The following ZNF589 variants were observed in gnomAD, a reference collection of about 807,000 sequenced individuals.
The protein encoded by ZNF589 is zinc finger protein 589.
Under a neutral mutation model 13.6 loss-of-function variants are expected in ZNF589, and 17 were observed. That is an observed-to-expected ratio of 1.25 (90% confidence interval 0.86 to 1.88). The LOEUF (loss-of-function observed/expected upper bound fraction) is 1.88, where lower values mean the gene tolerates loss of function less well. ZNF589 is among the 40% of genes most tolerant of loss of function. ZNF589 has a pLI of 0.00. For synonymous variants in ZNF589, 148 were observed against 161.6 expected (o/e 0.92, Z 0.64); for missense variants, 407 against 434.0 (o/e 0.94, Z 0.55).
At chr3:48,256,408 C>A in intron 2 of ZNF589, 1 of 563,416 alleles carries the variant, frequency 1.8e-6, no homozygotes. Context: ...GAGGGTTGAC[C>A]CCAAGGCCAT....
chr3:48,267,128 G>C (rs760487497), intron 3 of ZNF589, among the ~76,000 whole-genome samples: 5 of 152,210 alleles, frequency 3.3e-5, no homozygotes, highest in African/African-American at 4.8e-5. Context: ...CCAGAAGTGA[G>C]GATTCATCAG....
chr3:48,254,024 AG>A (rs2033869278), intron 2 of ZNF589, among the ~76,000 whole-genome samples: 1 of 152,150 alleles, frequency 6.6e-6, no homozygotes, highest in African/African-American at 2.4e-5. Flanking sequence ...CAGGAGTTTA[AG>A]GCTACATTGA....
At chr3:48,256,688 T>C (rs1394323573) in intron 2 of ZNF589, 1 of 1,446,146 alleles carries the variant, frequency 6.9e-7, no homozygotes, top group African/African-American at 1.4e-5. Context: ...CAAAACATCA[T>C]CATAGTTTTA....
intron 2 of ZNF589, among the ~76,000 whole-genome samples, chr3:48,251,145 G>A (rs1194771527): frequency 3.9e-5 from 6 of 152,182 alleles, no homozygotes; most frequent in African/African-American, 1.4e-4. Flanking sequence ...GAATTTATCG[G>A]TTGATTTAGG....
chr3:48,246,980 A>G (rs1483353472), intron 1 of ZNF589, among the ~76,000 whole-genome samples: 2 of 149,308 alleles, frequency 1.3e-5, no homozygotes, highest in African/African-American at 5.0e-5. Flanking sequence ...ACATTTTCAT[A>G]AACTATTTTC....
At chr3:48,253,498 CTTTTTTT>C (rs59231973) in intron 2 of ZNF589, among the ~76,000 whole-genome samples, 39 of 95,324 alleles carry the variant, frequency 4.1e-4, no homozygotes, top group African/African-American at 1.6e-3. Flanking sequence ...TCATATTTTT[CTTTTTTT>C]TTTTTTTTTT....
At position 48,266,210 on chromosome 3, in the gene ZNF589, A is replaced by G. The variant is rs531470602; in HGVS notation, c.224-1705A>G. Among the ~76,000 whole-genome samples, 6 of 152,342 alleles carry G rather than the reference A, an allele frequency of 3.9e-5. No homozygotes were observed. The South Asian group carries it at 1.0e-3, about 26-fold the overall frequency. ...GCCAGTGAGAATTAAGCCCCCTGACATAGATGCAATACCTCTTGGGAAAGC... is the reference window on the plus strand; with the variant it reads ...GCCAGTGAGAATTAAGCCCCCTGACGTAGATGCAATACCTCTTGGGAAAGC... On this transcript the variant is annotated intron_variant, in intron 3 of 3. Transcript: ENST00000354698.
intron 2 of ZNF589, 58 bp downstream of exon 2, chr3:48,247,735 G>A: frequency 6.3e-7 from 1 of 1,585,396 alleles, no homozygotes; most frequent in Non-Finnish European, 8.6e-7. Context: ...CAGAGAATGG[G>A]CTCATCTGTC....
chr3:48,263,603 C>CA (rs1311132319), intron 3 of ZNF589, among the ~76,000 whole-genome samples: 2 of 151,928 alleles, frequency 1.3e-5, no homozygotes, highest in South Asian at 2.1e-4. Flanking sequence ...AAAACAAAAA[C>CA]AAAAAAACAG....
chr3:48,247,741 C>T, intron 2 of ZNF589, 64 bp downstream of exon 2: 1 of 1,575,314 alleles, frequency 6.3e-7, no homozygotes, highest in African/African-American at 1.3e-5. Flanking sequence ...ATGGGCTCAT[C>T]TGTCTTTCTT....
intron 2 of ZNF589, chr3:48,256,292 C>T (rs1011206287): frequency 9.3e-5 from 41 of 442,906 alleles, no homozygotes; most frequent in Non-Finnish European, 1.7e-4. Flanking sequence ...CTTGTGAGTA[C>T]GCCTCCTACT....
intron 3 of ZNF589, among the ~76,000 whole-genome samples, chr3:48,264,525 T>A (rs1369180614): frequency 2.0e-5 from 3 of 147,910 alleles, no homozygotes; most frequent in Non-Finnish European, 3.0e-5. Flanking sequence ...AGAGCAAGAC[T>A]ATGTCTAAAA....
chr3:48,265,776 A>G (rs1244479476), intron 3 of ZNF589, among the ~76,000 whole-genome samples: 2 of 152,006 alleles, frequency 1.3e-5, no homozygotes, highest in African/African-American at 4.8e-5. Flanking sequence ...TAAACTCAAA[A>G]TTTTTATTTA....
At chr3:48,255,487 C>CTTTTT (rs1230659894) in intron 2 of ZNF589, among the ~76,000 whole-genome samples, 5 of 82,782 alleles carry the variant, frequency 6.0e-5, no homozygotes, top group Non-Finnish European at 9.1e-5. Context: ...AGAGTTTTTA[C>CTTTTT]TTTTTTTTTT....
At chr3:48,250,743 AT>A (rs1315638090) in intron 2 of ZNF589, among the ~76,000 whole-genome samples, 1 of 152,046 alleles carries the variant, frequency 6.6e-6, no homozygotes, top group East Asian at 1.9e-4. Flanking sequence ...AAGTGCTGGG[AT>A]TACAGGCGTG....
At chr3:48,256,297 C>T in intron 2 of ZNF589, 1 of 453,672 alleles carries the variant, frequency 2.2e-6, no homozygotes, top group South Asian at 1.7e-5. Context: ...GAGTACGCCT[C>T]CTACTCCACA....
At chr3:48,249,472 C>T (rs2033812702) in intron 2 of ZNF589, among the ~76,000 whole-genome samples, 1 of 152,158 alleles carries the variant, frequency 6.6e-6, no homozygotes, top group Non-Finnish European at 1.5e-5. Flanking sequence ...AATACTTCAG[C>T]ATGCATATTA....
intron 2 of ZNF589, chr3:48,257,950 G>C (rs868295451): frequency 8.9e-6 from 4 of 448,744 alleles, no homozygotes; most frequent in African/African-American, 6.0e-5. Context: ...CAAGTATTGT[G>C]GTGATCAAAT....
intron 1 of ZNF589, among the ~76,000 whole-genome samples, chr3:48,243,869 AAAG>A (rs1169253393): frequency 6.6e-6 from 1 of 152,078 alleles, no homozygotes; most frequent in Non-Finnish European, 1.5e-5. Flanking sequence ...CATGAGTGGC[AAAG>A]AAGATGTTTT....
Sources: gnomAD v4.1 joint callset for allele counts (sites outside exome capture counted in the v4.1 genomes callset) on GRCh38, gnomAD v4.1.1 for gene constraint, MANE v1.5 for transcripts, NCBI Gene and HGNC (gene_info 2026-07-23, HGNC 2026-07-21) for gene names.